KAT2B: variants seen among roughly 807,000 people sequenced by gnomAD.
KAT2B encodes histone acetyltransferase KAT2B.
A neutral mutation model predicts 105.9 loss-of-function variants in KAT2B; 36 were observed. The observed-to-expected ratio is 0.34, with a 90% CI of 0.26 to 0.45. The LOEUF is 0.45. Among genes scored for constraint, KAT2B ranks in the 20% least tolerant of loss-of-function variants. The probability of loss-of-function intolerance (pLI) is 1.00; values close to 1 mark genes in which losing one functional copy is unlikely to be tolerated. For synonymous variants in KAT2B, 397 were observed against 377.9 expected (o/e 1.05, Z -0.59); for missense variants, 820 against 1,021.6 (o/e 0.80, Z 2.69).
At chr3:20,073,374 A>G (rs1698361105) in intron 2 of KAT2B, among the ~76,000 whole-genome samples, 1 of 152,166 alleles carries the variant, frequency 6.6e-6, no homozygotes, top group South Asian at 2.1e-4. Context: ...TTCTTATGCC[A>G]TCATTTCTCT....
At chr3:20,117,038 C>T (rs1300763840) in intron 7 of KAT2B, among the ~76,000 whole-genome samples, 1 of 152,124 alleles carries the variant, frequency 6.6e-6, no homozygotes, top group Non-Finnish European at 1.5e-5. Context: ...CAAAGTTATT[C>T]AGCAGGATCA....
chr3:20,140,691 C>T (rs1699681636), intron 13 of KAT2B, among the ~76,000 whole-genome samples: 1 of 152,024 alleles, frequency 6.6e-6, no homozygotes, highest in Non-Finnish European at 1.5e-5. Context: ...AGCGTTTCAC[C>T]ATGTTGGCCA....
chr3:20,107,001 ATATATATATATATAT>A (rs1699025590), intron 5 of KAT2B, among the ~76,000 whole-genome samples: 2 of 19,800 alleles, frequency 1.0e-4, no homozygotes, highest in African/African-American at 4.6e-4. Flanking sequence ...ATATATATAT[ATATATATATATATAT>A]TTTTTTTTTT....
chr3:20,117,088 G>T lies in KAT2B; in HGVS notation c.1150+2100G>T, dbSNP rs76516479. Among the ~76,000 whole-genome samples, 1,458 of 150,164 alleles carry T rather than the reference G, an allele frequency of 9.7e-3. 26 individuals carry two copies. The highest frequency in any genetic ancestry group is 0.033 in the African/African-American group (1,387 of 41,448). ...TGGTGGGTCTGTGGAGAGGATTTCT[G>T]TGTGTGAAAACTCCCCTTGACCCTT... On this transcript the variant is annotated intron_variant, in intron 7 of 17. Coordinates refer to ENST00000263754, the MANE Select transcript of KAT2B (RefSeq NM_003884.5).
At chr3:20,117,844 A>G (rs1699233241) in intron 7 of KAT2B, among the ~76,000 whole-genome samples, 1 of 152,216 alleles carries the variant, frequency 6.6e-6, no homozygotes, top group South Asian at 2.1e-4. Context: ...CTAGCAAAGC[A>G]GCATCCTACT....
chr3:20,078,038 G>T (rs1698450400), intron 2 of KAT2B, among the ~76,000 whole-genome samples: 1 of 152,082 alleles, frequency 6.6e-6, no homozygotes, highest in African/African-American at 2.4e-5. Context: ...AGCTGGTGTG[G>T]TGGCATGTGC....
chr3:20,123,377 A>G (rs1699345865), intron 9 of KAT2B, among the ~76,000 whole-genome samples: 2 of 152,236 alleles, frequency 1.3e-5, no homozygotes, highest in Admixed American at 6.5e-5. Context: ...ATATTTTCTA[A>G]TACAGGGTTG....
chr3:20,089,092 T>G (rs1698670001), intron 2 of KAT2B, among the ~76,000 whole-genome samples: 1 of 152,172 alleles, frequency 6.6e-6, no homozygotes, highest in African/African-American at 2.4e-5. Flanking sequence ...ATGTATTTGT[T>G]TTTTATGTTG....
intron 13 of KAT2B, among the ~76,000 whole-genome samples, chr3:20,145,748 C>T (rs1699774897): frequency 6.6e-6 from 1 of 152,020 alleles, no homozygotes; most frequent in Admixed American, 6.6e-5. Flanking sequence ...TCTTTTCTTT[C>T]TTCTCATGAC....
rs1452945122 is a variant in KAT2B at position 20,140,267 on chromosome 3, A to G, written c.1907A>G (p.Tyr636Cys). Residue 636 changes from tyrosine to cysteine, a missense_variant, in exon 13 of 18, where the codon TAT becomes TGT. Physicochemically the swap from Tyr to Cys is radical, Grantham distance 194 (BLOSUM62 -2). Coordinates refer to ENST00000263754, the MANE Select transcript of KAT2B (RefSeq NM_003884.5). ...IKIPKTKYVG[Y>C]IKDYEGATLM... ...ATACCTAAAACCAAATATGTTGGCT[A>G]TATCAAGGATTATGAAGGAGCCACT... 6.2e-7 allele frequency: 1 copy of G among 1,610,930 alleles called. No homozygotes were observed. Among genetic ancestry groups the G allele is most frequent in the Non-Finnish European group, 8.5e-7 (1 of 1,177,260 alleles).
At chr3:20,140,711 C>T (rs747205285) in intron 13 of KAT2B, among the ~76,000 whole-genome samples, 8 of 152,008 alleles carry the variant, frequency 5.3e-5, no homozygotes, top group Non-Finnish European at 7.4e-5. Flanking sequence ...AGGCTGGTCT[C>T]GAACTCCTGA....
chr3:20,059,513 C>T (rs945596615), intron 1 of KAT2B, among the ~76,000 whole-genome samples: 5 of 149,222 alleles, frequency 3.4e-5, no homozygotes, highest in African/African-American at 4.9e-5. Flanking sequence ...GTCAGGAGAT[C>T]GAGACCACGG....
At chr3:20,110,458 T>C (rs1699100079) in intron 5 of KAT2B, among the ~76,000 whole-genome samples, 1 of 151,778 alleles carries the variant, frequency 6.6e-6, no homozygotes. Context: ...ATCTCTTTAG[T>C]CCAGGAGTTC....
At chr3:20,113,417 A>G (rs750253128) in intron 6 of KAT2B, among the ~76,000 whole-genome samples, 14 of 152,184 alleles carry the variant, frequency 9.2e-5, no homozygotes, top group Admixed American at 2.6e-4. Flanking sequence ...TTTTTTTCCC[A>G]TAACAAATTC....
intron 9 of KAT2B, among the ~76,000 whole-genome samples, chr3:20,123,818 T>C (rs1000093260): frequency 9.9e-5 from 15 of 152,160 alleles, no homozygotes; most frequent in Admixed American, 6.5e-4. Flanking sequence ...GATTTGTTGA[T>C]TGTTTACTAA....
chr3:20,145,085 C>T (rs934592078), intron 13 of KAT2B, among the ~76,000 whole-genome samples: 1 of 152,218 alleles, frequency 6.6e-6, no homozygotes, highest in African/African-American at 2.4e-5. Flanking sequence ...GTGTGAGCCA[C>T]TGCACCTGGC....
At chr3:20,074,779 A>G (rs921866482) in intron 2 of KAT2B, among the ~76,000 whole-genome samples, 3 of 152,076 alleles carry the variant, frequency 2.0e-5, no homozygotes, top group Admixed American at 1.3e-4. Flanking sequence ...TTCAACTCCA[A>G]CTGCCTCTGT....
At chr3:20,117,802 C>A (rs1699232540) in intron 7 of KAT2B, among the ~76,000 whole-genome samples, 1 of 152,132 alleles carries the variant, frequency 6.6e-6, no homozygotes, top group African/African-American at 2.4e-5. Flanking sequence ...CTTGTCACCT[C>A]TCACCTCATC....
At chr3:20,070,371 C>T (rs1266308176) in intron 1 of KAT2B, among the ~76,000 whole-genome samples, 3 of 146,732 alleles carry the variant, frequency 2.0e-5, no homozygotes, top group African/African-American at 7.6e-5. Flanking sequence ...GTTGTGCAAT[C>T]TCGGCTCACT....
Sources: gnomAD v4.1 joint callset for allele counts (sites outside exome capture counted in the v4.1 genomes callset) on GRCh38, gnomAD v4.1.1 for gene constraint, MANE v1.5 for transcripts, NCBI Gene and HGNC (gene_info 2026-07-23, HGNC 2026-07-21) for gene names.